ATRNL1: variants seen among roughly 807,000 people sequenced by gnomAD.
The protein encoded by ATRNL1 is attractin like 1, also known as attractin-like protein 1.
A neutral mutation model predicts 182.7 loss-of-function variants in ATRNL1; 95 were observed. The ratio of observed to expected loss-of-function variants is 0.52; its 90% confidence interval spans 0.44 to 0.62. ATRNL1 has a LOEUF of 0.62. Ranked by LOEUF, ATRNL1 falls within the 20% of genes least tolerant of loss-of-function variation. The pLI is 0.00. For missense variants in ATRNL1, 1,471 were observed against 1,679.5 expected (o/e 0.88, Z 2.17); for synonymous variants, 576 against 568.3 (o/e 1.01, Z -0.19).
chr10:115,762,577 C>T (rs1047704014), intron 27 of ATRNL1, among the ~76,000 whole-genome samples: 1 of 152,008 alleles, frequency 6.6e-6, no homozygotes, highest in Non-Finnish European at 1.5e-5. Context: ...CTGAAATCTG[C>T]CATGTAATTT....
chr10:115,156,507 G>A (rs1166191971), intron 5 of ATRNL1, among the ~76,000 whole-genome samples: 2 of 152,010 alleles, frequency 1.3e-5, no homozygotes, highest in African/African-American at 2.4e-5. Context: ...ATACATTTGG[G>A]ATATATCAGA....
intron 19 of ATRNL1, among the ~76,000 whole-genome samples, chr10:115,358,951 T>G (rs1358290401): frequency 1.3e-5 from 2 of 151,692 alleles, no homozygotes; most frequent in African/African-American, 4.8e-5. Context: ...ACTTCCACAA[T>G]ATTATATAGT....
chr10:115,417,162 T>C (rs1399320567), intron 20 of ATRNL1, among the ~76,000 whole-genome samples: 1 of 152,222 alleles, frequency 6.6e-6, no homozygotes, highest in Non-Finnish European at 1.5e-5. Flanking sequence ...GGGATTTGAC[T>C]ACAGCCCTGT....
At chr10:115,564,749 G>T (rs1572399) in intron 26 of ATRNL1, among the ~76,000 whole-genome samples, 86,663 of 151,176 alleles carry the variant, frequency 0.57, 26,667 homozygotes, top group Non-Finnish European at 0.71. Context: ...GGGCTTTTTT[G>T]TGTGTGTATA....
intron 18 of ATRNL1, among the ~76,000 whole-genome samples, chr10:115,328,349 A>G (rs1855028466): frequency 6.6e-6 from 1 of 152,154 alleles, no homozygotes; most frequent in South Asian, 2.1e-4. Flanking sequence ...CGATGTTTTA[A>G]TACAGGTATA....
In ATRNL1 at chr10:115,286,332, G is replaced by C; in HGVS notation, c.2350G>C (p.Ala784Pro). 2.5e-6 allele frequency: 4 copies of C among 1,607,408 alleles called. No individual in the cohort carries two copies. Among genetic ancestry groups the C allele is most frequent in the Non-Finnish European group, 3.4e-6 (4 of 1,175,150 alleles). The change falls in exon 15 of 29, where the codon GCT becomes CCT. Residue 784 changes from alanine (A) to proline (P), a missense_variant. Around this residue, in one of 3 missense-constraint regions of ATRNL1, gnomAD observed 1,031 missense variants for 1,156.0 expected, o/e 0.89. Coordinates refer to ENST00000355044, the MANE Select transcript of ATRNL1 (RefSeq NM_207303.4). ...TTGCTATAATCTTAGTGGAAATCTT[G>C]CTTCATTAACAACCTCAAAAGAAGT... ...LYCYNLSGNL[A>P]SLTTSKEVEF...
At chr10:115,555,144 C>T (rs1853237807) in intron 26 of ATRNL1, among the ~76,000 whole-genome samples, 2 of 151,622 alleles carry the variant, frequency 1.3e-5, no homozygotes, top group South Asian at 2.1e-4. Context: ...CAAATGCTCA[C>T]CCTGGAGCTC....
chr10:115,124,794 A>G (rs562616973), intron 3 of ATRNL1, among the ~76,000 whole-genome samples: 1 of 152,264 alleles, frequency 6.6e-6, no homozygotes, highest in East Asian at 1.9e-4. Flanking sequence ...AGGAAATTTC[A>G]AGAATTTAGA....
At chr10:115,687,578 C>T (rs1946258829) in intron 26 of ATRNL1, among the ~76,000 whole-genome samples, 1 of 152,022 alleles carries the variant, frequency 6.6e-6, no homozygotes, top group Non-Finnish European at 1.5e-5. Flanking sequence ...CTGAAATAAA[C>T]ATAGGAATAC....
intron 24 of ATRNL1, among the ~76,000 whole-genome samples, chr10:115,505,415 T>C (rs567502054): frequency 6.3e-4 from 96 of 152,200 alleles, no homozygotes; most frequent in African/African-American, 2.2e-3. Context: ...GTTAAAAAAA[T>C]CAGGTTACAA....
chr10:115,725,043 G>A lies in ATRNL1; in HGVS notation c.3796-2205G>A, dbSNP rs544283423. Reference sequence around the variant, plus strand: ...AATTTATTTGTCTAATTCTTTATTTGTAACTTTACTGACACACTATATTGT... The same window carrying A: ...AATTTATTTGTCTAATTCTTTATTTATAACTTTACTGACACACTATATTGT... On this transcript the variant is annotated intron_variant, in intron 26 of 28. Transcript: ENST00000355044. 2.5e-4 allele frequency among the ~76,000 whole-genome samples: 38 copies of A among 152,112 alleles called. 1 individual carries two copies. Among genetic ancestry groups the A allele is most frequent in the Admixed American group, 2.2e-3 (33 of 15,268 alleles).
intron 9 of ATRNL1, among the ~76,000 whole-genome samples, chr10:115,233,388 T>C (rs1201305031): frequency 6.6e-6 from 1 of 152,216 alleles, no homozygotes; most frequent in African/African-American, 2.4e-5. Context: ...TACTCTTATG[T>C]CTAACAGTTT....
chr10:115,717,808 C>G (rs1947304663), intron 26 of ATRNL1, among the ~76,000 whole-genome samples: 1 of 152,086 alleles, frequency 6.6e-6, no homozygotes, highest in African/African-American at 2.4e-5. Context: ...CCCACCTCAG[C>G]CTCCCAAAGT....
intron 27 of ATRNL1, among the ~76,000 whole-genome samples, chr10:115,846,987 A>G (rs549883105): frequency 6.6e-5 from 10 of 152,142 alleles, no homozygotes; most frequent in Non-Finnish European, 1.3e-4. Flanking sequence ...CATAGTAACA[A>G]CTTAATAAAA....
At chr10:115,417,331 G>C (rs1845438571) in intron 20 of ATRNL1, among the ~76,000 whole-genome samples, 1 of 152,136 alleles carries the variant, frequency 6.6e-6, no homozygotes, top group Admixed American at 6.5e-5. Context: ...TGAGTTCCCA[G>C]CACAGAACTG....
chr10:115,694,960 C>G (rs1242599452), intron 26 of ATRNL1, among the ~76,000 whole-genome samples: 4 of 143,220 alleles, frequency 2.8e-5, no homozygotes, highest in Admixed American at 7.2e-5. Flanking sequence ...CACACACACA[C>G]AGAGTATCTT....
At chr10:115,377,065 T>C (rs1164361116) in intron 19 of ATRNL1, among the ~76,000 whole-genome samples, 1 of 152,184 alleles carries the variant, frequency 6.6e-6, no homozygotes, top group Non-Finnish European at 1.5e-5. Flanking sequence ...TTGTTCTTTT[T>C]ATTGTTTACA....
chr10:115,183,845 A>G (rs1474250538), intron 8 of ATRNL1, among the ~76,000 whole-genome samples: 2 of 151,578 alleles, frequency 1.3e-5, no homozygotes, highest in African/African-American at 4.8e-5. Flanking sequence ...AACCCACTAC[A>G]CAGAAATGGA....
chr10:115,736,013 G>A (rs1037386982), intron 27 of ATRNL1, among the ~76,000 whole-genome samples: 23 of 152,248 alleles, frequency 1.5e-4, no homozygotes, highest in Admixed American at 7.8e-4. Flanking sequence ...ATTTAACAAA[G>A]TATACCTTTA....
Sources: allele counts gnomAD v4.1 joint callset (sites outside exome capture counted in the v4.1 genomes callset), GRCh38; gene constraint gnomAD v4.1.1; regional missense constraint gnomAD v4.1.1; transcripts MANE v1.5; gene names NCBI Gene and HGNC (gene_info 2026-07-23, HGNC 2026-07-21).